BTBD2: variants seen among roughly 807,000 people sequenced by gnomAD.
The protein encoded by BTBD2 is BTB/POZ domain-containing protein 2.
In BTBD2, 15 loss-of-function variants were observed where a neutral mutation model predicts 44.0. That is an observed-to-expected ratio of 0.34 (90% CI 0.23 to 0.53). BTBD2 has a LOEUF of 0.53. Among genes scored for constraint, BTBD2 ranks in the 20% least tolerant of loss-of-function variants. The pLI is 0.95. For synonymous variants in BTBD2, 443 were observed against 335.9 expected (o/e 1.32, Z -3.49); for missense variants, 657 against 746.4 (o/e 0.88, Z 1.39).
Position 2,001,447 on chromosome 19 carries a change from G to A in BTBD2, c.408-3984C>T, listed in dbSNP as rs149506829. Among the ~76,000 whole-genome samples the A allele has an allele frequency of 5.3e-5, 8 of 152,216 alleles. No individual in the cohort carries two copies. In the East Asian group the frequency reaches 7.7e-4, roughly 15 times the overall value. ...GCGGAGGTCGCAGTGAGCTGAGATC[G>A]TACCACTGCACTGCACCCTGGGCTA... On this transcript the variant is annotated intron_variant, in intron 1 of 8. Coordinates refer to ENST00000255608, the MANE Select transcript of BTBD2 (RefSeq NM_017797.4).
chr19:2,003,960 G>A (rs537396973), intron 1 of BTBD2, among the ~76,000 whole-genome samples: 1 of 151,934 alleles, frequency 6.6e-6, no homozygotes, highest in East Asian at 1.9e-4. Flanking sequence ...CTGTCCACAA[G>A]GAAATTCCTT....
intron 1 of BTBD2, among the ~76,000 whole-genome samples, chr19:2,000,049 A>G (rs188300365): frequency 9.2e-4 from 140 of 152,154 alleles, no homozygotes; most frequent in Middle Eastern, 3.4e-3. Flanking sequence ...ATGCGGCCAC[A>G]GGCCAAGGAC....
chr19:2,010,025 GC>G (rs2016444233), intron 1 of BTBD2, among the ~76,000 whole-genome samples: 1 of 151,968 alleles, frequency 6.6e-6, no homozygotes, highest in Non-Finnish European at 1.5e-5. Context: ...GGTGGCGGGT[GC>G]CTGTAGTCCC....
chr19:1,998,747 G>C (rs1444419037), intron 1 of BTBD2, among the ~76,000 whole-genome samples: 1 of 152,126 alleles, frequency 6.6e-6, no homozygotes, highest in Non-Finnish European at 1.5e-5. Flanking sequence ...GCCTCCCAGG[G>C]GGCTGAGAGC....
Position 1,997,403 on chromosome 19 carries a change from T to C in BTBD2, c.468A>G (p.Thr156=). 6.2e-7 allele frequency: 1 copy of C among 1,614,152 alleles called. No individual in the cohort carries two copies. ...FDAMFNGGMA[T]TSTEIELPDV... is the part of the protein sequence containing the mutation. Reference sequence around the variant, plus strand: ...CGGGCAGCTCAATCTCCGTGGATGTTGTGGCCATTCCCCCGTTGAACATGG... The same window carrying C: ...CGGGCAGCTCAATCTCCGTGGATGTCGTGGCCATTCCCCCGTTGAACATGG... Residue 156 remains threonine, a synonymous_variant, in exon 2 of 9, where the codon ACA becomes ACG. Transcript: ENST00000255608.
intron 2 of BTBD2, among the ~76,000 whole-genome samples, chr19:1,995,668 G>A (rs965888661): frequency 3.4e-5 from 5 of 146,902 alleles, no homozygotes; most frequent in East Asian, 2.0e-4. Context: ...ACAGAGTCTC[G>A]CTCTGTCGCC....
At chr19:2,000,510 G>A (rs925027373) in intron 1 of BTBD2, among the ~76,000 whole-genome samples, 6 of 152,176 alleles carry the variant, frequency 3.9e-5, no homozygotes, top group African/African-American at 7.2e-5. Context: ...TGACATGGGC[G>A]GGTCCCCAGG....
Position 1,997,413 on chromosome 19 carries a change from C to T in BTBD2, c.458G>A (p.Gly153Glu). The T allele has an allele frequency of 6.2e-7, 1 of 1,614,158 alleles. No individual in the cohort carries two copies. The highest frequency in any genetic ancestry group is 8.5e-7 in the Non-Finnish European group (1 of 1,180,028). ...SAVFDAMFNG[G>E]MATTSTEIEL... ...AATCTCCGTGGATGTTGTGGCCATTCCCCCGTTGAACATGGCATCAAAGAC... is the reference window on the plus strand; with the variant it reads ...AATCTCCGTGGATGTTGTGGCCATTTCCCCGTTGAACATGGCATCAAAGAC... Residue 153 changes from glycine (G) to glutamate (E), a missense_variant, in exon 2 of 9, where the codon GGA (glycine) becomes GAA (glutamate). Transcript: ENST00000255608.
At chr19:1,989,321 G>T (rs2016138339) in intron 5 of BTBD2, 1 of 153,078 alleles carries the variant, frequency 6.5e-6, no homozygotes, top group Non-Finnish European at 1.5e-5. Context: ...AGCCCAGGAG[G>T]TCGAGGCTGC....
Position 1,986,442 on chromosome 19 carries a change from C to A in BTBD2, c.*46G>T. On this transcript the variant is annotated 3_prime_UTR_variant, in exon 9 of 9. Transcript: ENST00000255608. ...CCCAGCAGCAGATGATGGCCTGGGGCTGCGGCTATCCCCACGGAGGGAGGG... is the reference window on the plus strand; with the variant it reads ...CCCAGCAGCAGATGATGGCCTGGGGATGCGGCTATCCCCACGGAGGGAGGG... 1 of 1,603,484 alleles carries A rather than the reference C, an allele frequency of 6.2e-7. No individual in the cohort carries two copies. The highest frequency in any genetic ancestry group is 1.1e-5 in the South Asian group (1 of 90,456).
In BTBD2 at chr19:1,986,965, G is replaced by A. The variant is rs765313138; in HGVS notation, c.1281C>T (p.Thr427=). 2.4e-5 allele frequency: 39 copies of A among 1,612,228 alleles called. No individual in the cohort carries two copies. The highest frequency in any genetic ancestry group is 1.3e-4 in the Admixed American group (8 of 59,914). ...DYQVNIQIIH[T]DSNTVLGQND... Reference sequence around the variant, plus strand: ...TCTGGCCCAAGACGGTGTTGCTATCGGTGTGAATAATCTGCGGGGAGGTGG... The same window carrying A: ...TCTGGCCCAAGACGGTGTTGCTATCAGTGTGAATAATCTGCGGGGAGGTGG... The change falls in exon 8 of 9, where the codon ACC becomes ACT. Residue 427 remains threonine (T), a synonymous_variant. Coordinates refer to ENST00000255608, the MANE Select transcript of BTBD2 (RefSeq NM_017797.4).
chr19:2,008,067 C>T (rs933206240), intron 1 of BTBD2, among the ~76,000 whole-genome samples: 6 of 151,762 alleles, frequency 4.0e-5, no homozygotes, highest in South Asian at 4.2e-4. Context: ...TGCAGCAGCA[C>T]GATCTCAGCT....
In BTBD2 at chr19:1,986,568, T is replaced by A; in HGVS notation, c.1498A>T (p.Thr500Ser). ...TTGTTCCCGGCCGCGTAGCAAAAGG[T>A]GAAGCAGGTCTTGGCGCCCGTGGTG... ...SPTTGAKTCF[T>S]FCYAAGNNNG... Residue 500 changes from threonine (T) to serine (S), a missense_variant, in exon 9 of 9, where the codon ACC becomes TCC. By Grantham distance (58) the Thr-to-Ser change is moderately conservative. Around this residue, in one of 3 missense-constraint regions of BTBD2, gnomAD observed 449 missense variants for 510.9 expected, o/e 0.88. Transcript: ENST00000255608. 6.2e-7 allele frequency: 1 copy of A among 1,613,892 alleles called. No individual in the cohort carries two copies. The highest frequency in any genetic ancestry group is 8.5e-7 in the Non-Finnish European group (1 of 1,179,922).
At chr19:1,986,771 G>A (rs1394716072) in intron 8 of BTBD2, 59 bp downstream of exon 8, 35 of 1,570,378 alleles carry the variant, frequency 2.2e-5, no homozygotes, top group Admixed American at 6.9e-5. Flanking sequence ...GCTGTGCCCC[G>A]GTGGCTTCAG....
At position 1,999,099 on chromosome 19, in the gene BTBD2, C is replaced by T. The variant is rs535171079; in HGVS notation, c.408-1636G>A. 4.6e-5 allele frequency among the ~76,000 whole-genome samples: 7 copies of T among 152,258 alleles called. No individual in the cohort carries two copies. In the South Asian group the frequency reaches 8.3e-4, roughly 18 times the overall value. On this transcript the variant is annotated intron_variant, in intron 1 of 8. Transcript: ENST00000255608. Reference sequence around the variant, plus strand: ...AGCTCCCGGGAAAGCCCCCGTCTTCCGAGGAGAAGCTCCTCGCTCTCCTCC... The same window carrying T: ...AGCTCCCGGGAAAGCCCCCGTCTTCTGAGGAGAAGCTCCTCGCTCTCCTCC...
rs1455939179 is a variant in BTBD2 at position 1,990,159 on chromosome 19, C to T, written c.833G>A (p.Arg278His). 2.3e-5 allele frequency: 37 copies of T among 1,610,306 alleles called. No individual in the cohort carries two copies. The highest frequency in any genetic ancestry group is 2.7e-5 in the African/African-American group (2 of 74,874). The change falls in exon 5 of 9, where the codon CGT (arginine) becomes CAT (histidine). Residue 278 changes from arginine (R) to histidine (H), a missense_variant. Transcript: ENST00000255608. The stretch of plus-strand genomic sequence containing the variant: ...AACGGCATTGAACAGCCGCACCTCA[C>T]GGATGCCCAGTGTGTCGCGCTCCAG... ...AVLERDTLGI[R>H]EVRLFNAVVR...
rs2016089708 is a variant in BTBD2, at chr19:1,986,747, T to C, written c.1416+83A>G. 4 of 1,575,190 alleles carry C rather than the reference T, an allele frequency of 2.5e-6. No individual in the cohort carries two copies. In the East Asian group the frequency reaches 6.8e-5, roughly 27 times the overall value. On this transcript the variant is annotated intron_variant, in intron 8 of 8. Coordinates refer to ENST00000255608, the MANE Select transcript of BTBD2 (RefSeq NM_017797.4). The stretch of plus-strand genomic sequence containing the variant: ...CCCCGACTGGGCCAGGGTGGCTGCC[T>C]CTGGAGAGTGTGTGCTGTGCCCCGG...
intron 5 of BTBD2, 119 bp downstream of exon 5, chr19:1,989,885 T>C: frequency 8.6e-7 from 1 of 1,167,428 alleles, no homozygotes; most frequent in Non-Finnish European, 1.2e-6. Context: ...CCTATCTGTA[T>C]ATGCCAGGCA....
rs2016262538 is a variant in BTBD2, at chr19:1,997,211, C to T, written c.527+133G>A. The T allele has an allele frequency of 4.4e-6, 6 of 1,366,768 alleles. No homozygotes were observed. In the African/African-American group the frequency reaches 8.8e-5, roughly 20 times the overall value. The allele number at this position is 1,366,768 out of a possible 1,614,324, so 84.7% of individuals were successfully genotyped here. A position where few individuals can be genotyped will look rare whatever the true frequency, so the allele number is the denominator to read the frequency against. On this transcript the variant is annotated intron_variant, in intron 2 of 8. Coordinates refer to ENST00000255608, the MANE Select transcript of BTBD2 (RefSeq NM_017797.4). Reference sequence around the variant, plus strand: ...AAAAAAAAAAGTGCCTCTGGAACCCCTCATTGCACAGGAACGTTCTAGAAA... The same window carrying T: ...AAAAAAAAAAGTGCCTCTGGAACCCTTCATTGCACAGGAACGTTCTAGAAA...
Sources: allele counts gnomAD v4.1 joint callset (sites outside exome capture counted in the v4.1 genomes callset), GRCh38; gene constraint gnomAD v4.1.1; regional missense constraint gnomAD v4.1.1; transcripts MANE v1.5; gene names NCBI Gene and HGNC (gene_info 2026-07-23, HGNC 2026-07-21).